Variants in GNA13 observed in about 807,000 individuals in gnomAD.
GNA13 encodes the protein G protein subunit alpha 13.
In GNA13, 4 loss-of-function variants were observed where a neutral mutation model predicts 33.5. That is an observed-to-expected ratio of 0.12 (90% CI 0.06 to 0.27). The LOEUF is 0.27. Ranked by LOEUF, GNA13 falls within the 10% of genes least tolerant of loss-of-function variation. The pLI is 1.00. For missense variants in GNA13, 319 were observed against 487.2 expected (o/e 0.65, Z 3.25); for synonymous variants, 176 against 183.8 (o/e 0.96, Z 0.34).
chr17:65,046,898 G>C (rs989920232), intron 2 of GNA13, among the ~76,000 whole-genome samples: 1 of 151,984 alleles, frequency 6.6e-6, no homozygotes. Flanking sequence ...TTCCAATTCC[G>C]GAAGCTTTAG....
intron 2 of GNA13, among the ~76,000 whole-genome samples, chr17:65,044,574 G>A (rs917217519): frequency 6.6e-6 from 1 of 150,934 alleles, no homozygotes; most frequent in Non-Finnish European, 1.5e-5. Flanking sequence ...GCCAAGGTGG[G>A]AGAATTAATC....
chr17:65,031,298 T>C (rs1165043527), intron 2 of GNA13, among the ~76,000 whole-genome samples: 6 of 152,254 alleles, frequency 3.9e-5, no homozygotes, highest in Admixed American at 3.9e-4. Context: ...ATTTTAAAAA[T>C]GCTACACCTG....
rs551177845 is a variant in GNA13 at position 65,014,245 on chromosome 17, G to A, written c.*12C>T. 1.4e-6 allele frequency: 2 copies of A among 1,448,876 alleles called. No individual in the cohort carries two copies. The highest frequency in any genetic ancestry group is 1.9e-6 in the Non-Finnish European group (2 of 1,044,844). The allele number at this position is 1,448,876 out of a possible 1,614,324, so 89.8% of individuals were successfully genotyped here. A position where few individuals can be genotyped will look rare whatever the true frequency, so the allele number is the denominator to read the frequency against. On this transcript the variant is annotated 3_prime_UTR_variant, in exon 4 of 4. Transcript: ENST00000439174. The surrounding 1 kb of genome is among the most constrained non-coding windows in gnomAD (Gnocchi z 5.3). Reference sequence around the variant, plus strand: ...ACACAAAAAGATATTAAAACAGCAAGTCTTTTGTACATCACTGTAGCATAA... The same window carrying A: ...ACACAAAAAGATATTAAAACAGCAAATCTTTTGTACATCACTGTAGCATAA...
At chr17:65,023,024 G>C (rs780232431) in intron 2 of GNA13, among the ~76,000 whole-genome samples, 5 of 152,210 alleles carry the variant, frequency 3.3e-5, no homozygotes, top group Admixed American at 6.5e-5. Flanking sequence ...TCAATGCCAA[G>C]TTTGAAGTGA....
Position 65,016,449 on chromosome 17 carries a change from C to A in GNA13, c.562-1620G>T, listed in dbSNP as rs1396465367. 2.0e-5 allele frequency among the ~76,000 whole-genome samples: 3 copies of A among 152,160 alleles called. No homozygotes were observed. The South Asian group carries it at 6.2e-4, about 31-fold the overall frequency. On this transcript the variant is annotated intron_variant, in intron 3 of 3. Coordinates refer to ENST00000439174, the MANE Select transcript of GNA13 (RefSeq NM_006572.6). ...GAATCTCGGCTCACTGCAACCTGCGCCTCCCAGGTTCAAGCGATTCTGCTC... is the reference window on the plus strand; with the variant it reads ...GAATCTCGGCTCACTGCAACCTGCGACTCCCAGGTTCAAGCGATTCTGCTC...
At chr17:65,018,186 T>C (rs1906453356) in intron 3 of GNA13, 67 bp downstream of exon 3, 1 of 606,608 alleles carries the variant, frequency 1.6e-6, no homozygotes, top group Admixed American at 2.2e-5. Context: ...CTAAATTTCC[T>C]AACATCGATA....
chr17:65,045,730 C>T (rs934492712), intron 2 of GNA13, among the ~76,000 whole-genome samples: 6 of 152,020 alleles, frequency 3.9e-5, no homozygotes, highest in Admixed American at 3.9e-4. Context: ...AGAAATGGTA[C>T]AAGGATATTA....
At chr17:65,046,001 T>C (rs1165201357) in intron 2 of GNA13, among the ~76,000 whole-genome samples, 1 of 152,194 alleles carries the variant, frequency 6.6e-6, no homozygotes, top group African/African-American at 2.4e-5. Context: ...GACTGCGGTG[T>C]CTATTCTATT....
In GNA13 at chr17:65,014,215, C is replaced by CA; in HGVS notation, c.*41dup. ...AAAAAACAAAACAAACAGAAAACAT[C>CA]AAAAACACAAAAAGATATTAAAACA... On this transcript the variant is annotated 3_prime_UTR_variant, in exon 4 of 4. Transcript: ENST00000439174. This position sits in a 1 kb window ranked among gnomAD's most constrained non-coding sequence, Gnocchi z 5.3. 1 of 1,191,242 alleles carries CA rather than the reference C, an allele frequency of 8.4e-7. No individual in the cohort carries two copies. Among genetic ancestry groups the CA allele is most frequent in the Non-Finnish European group, 1.2e-6 (1 of 823,224 alleles). The allele number at this position is 1,191,242 out of a possible 1,614,324, so 73.8% of individuals were successfully genotyped here. A position where few individuals can be genotyped will look rare whatever the true frequency, so the allele number is the denominator to read the frequency against.
chr17:65,014,121 T>A lies in GNA13; in HGVS notation c.*136A>T. 1 of 619,360 alleles carries A rather than the reference T, an allele frequency of 1.6e-6. No homozygotes were observed. The highest frequency in any genetic ancestry group is 2.2e-5 in the South Asian group (1 of 45,422). The allele number at this position is 619,360 out of a possible 1,614,324, so 38.4% of individuals were successfully genotyped here. ...CACAAACCAAAGGCCGCAGAAAAAG[T>A]ACTAAGATTTTCAAGAAGTTAAACG... On this transcript the variant is annotated 3_prime_UTR_variant, in exon 4 of 4. Coordinates refer to ENST00000439174, the MANE Select transcript of GNA13 (RefSeq NM_006572.6). The surrounding 1 kb of genome is among the most constrained non-coding windows in gnomAD (Gnocchi z 5.3).
chr17:65,017,684 C>T (rs961352694), intron 3 of GNA13, among the ~76,000 whole-genome samples: 4 of 152,164 alleles, frequency 2.6e-5, no homozygotes, highest in Non-Finnish European at 5.9e-5. Flanking sequence ...CCCCCTACCT[C>T]GTGGAGTCTC....
At chr17:65,025,817 C>A (rs1179210552) in intron 2 of GNA13, among the ~76,000 whole-genome samples, 26 of 104,594 alleles carry the variant, frequency 2.5e-4, no homozygotes, top group African/African-American at 5.4e-4. Context: ...CCCATCTCTA[C>A]AAAAAAAAAA....
chr17:65,015,526 G>A (rs949783813), intron 3 of GNA13, among the ~76,000 whole-genome samples: 6 of 151,980 alleles, frequency 3.9e-5, no homozygotes, highest in Non-Finnish European at 5.9e-5. Flanking sequence ...AGCCAGGTGT[G>A]GTGGCGGGCG....
chr17:65,039,122 A>G (rs1358281653), intron 2 of GNA13, among the ~76,000 whole-genome samples: 1 of 152,196 alleles, frequency 6.6e-6, no homozygotes. Context: ...TAGTTGATAA[A>G]GCCAGAAACT....
In GNA13 at chr17:65,018,092, TAAA is replaced by T. The variant is rs767082596; in HGVS notation, c.561+158_561+160del. On this transcript the variant is annotated intron_variant, in intron 3 of 3. Coordinates refer to ENST00000439174, the MANE Select transcript of GNA13 (RefSeq NM_006572.6). ...CAGAGAAGAATCAGAACGCCACCACTAAAAAAAAAAAAAAAAAAAAAAAAAAAA... is the reference window on the plus strand; with the variant it reads ...CAGAGAAGAATCAGAACGCCACCACTAAAAAAAAAAAAAAAAAAAAAAAAA... Among the ~76,000 whole-genome samples the T allele has an allele frequency of 9.1e-3, 196 of 21,486 alleles. 3 individuals are homozygous for T. Among genetic ancestry groups the T allele is most frequent in the Non-Finnish European group, 0.014 (144 of 10,316 alleles). The allele number at this position is 21,486 out of a possible 152,430, so 14.1% of individuals were successfully genotyped here.
intron 2 of GNA13, among the ~76,000 whole-genome samples, chr17:65,045,977 A>T (rs1488045024): frequency 1.3e-5 from 2 of 152,198 alleles, no homozygotes; most frequent in African/African-American, 4.8e-5. Flanking sequence ...GTGGACTAGG[A>T]GTCAGCAGAT....
In GNA13 at chr17:65,036,472, A is replaced by G. The variant is rs561873202; in HGVS notation, c.510+17030T>C. On this transcript the variant is annotated intron_variant, in intron 2 of 3. Coordinates refer to ENST00000439174, the MANE Select transcript of GNA13 (RefSeq NM_006572.6). ...TGTAATCCCAGCACTTTGGGAGACC[A>G]AGGTGGGTGAATTGCTTGAGGCCAG... Among the ~76,000 whole-genome samples, 9 of 152,306 alleles carry G rather than the reference A, an allele frequency of 5.9e-5. No individual in the cohort carries two copies. In the South Asian group the frequency reaches 1.0e-3, roughly 18 times the overall value.
chr17:65,054,432 C>T (rs554123690), intron 1 of GNA13, among the ~76,000 whole-genome samples: 2 of 152,268 alleles, frequency 1.3e-5, no homozygotes, highest in East Asian at 3.9e-4. Flanking sequence ...AGTCACTTGG[C>T]TATTAGGAAG....
chr17:65,018,092 TAAAAAAAAAAAAAAAAA>T (rs767082596), intron 3 of GNA13, among the ~76,000 whole-genome samples, 144 bp downstream of exon 3: 15 of 21,510 alleles, frequency 7.0e-4, no homozygotes, highest in South Asian at 6.6e-3. Context: ...ACGCCACCAC[TAAAAAAAAAAAAAAAAA>T]AAAAAAAAAA....
Sources: allele counts gnomAD v4.1 joint callset (sites outside exome capture counted in the v4.1 genomes callset), GRCh38; gene constraint gnomAD v4.1.1; non-coding constraint Gnocchi (gnomAD v3.1); transcripts MANE v1.5; gene names NCBI Gene and HGNC (gene_info 2026-07-23, HGNC 2026-07-21).